GLIS3: variants seen among roughly 807,000 people sequenced by gnomAD.
GLIS3 encodes the protein GLIS family zinc finger 3, also known as zinc finger protein GLIS3.
GLIS3 carries 53 observed loss-of-function variants against 78.6 expected under a neutral mutation model. That is an observed-to-expected ratio of 0.67 (90% CI 0.54 to 0.85). The LOEUF (loss-of-function observed/expected upper bound fraction) is 0.85. GLIS3 is among the 40% of genes least tolerant of loss of function. The pLI, the probability that GLIS3 is intolerant of heterozygous loss-of-function variation, is 0.00. For synonymous variants in GLIS3, 684 were observed against 509.9 expected (o/e 1.34, Z -4.60); for missense variants, 1,703 against 1,231.1 (o/e 1.38, Z -5.74).
intron 1 of GLIS3, among the ~76,000 whole-genome samples, chr9:4,290,546 G>C: frequency 6.6e-6 from 1 of 152,200 alleles, no homozygotes; most frequent in African/African-American, 2.4e-5. Flanking sequence ...AAAGCCTATT[G>C]ATAGATAATA....
intron 2 of GLIS3, among the ~76,000 whole-genome samples, chr9:4,193,804 G>A (rs1238093002): frequency 2.6e-5 from 4 of 152,172 alleles, no homozygotes; most frequent in South Asian, 2.1e-4. Flanking sequence ...AGGCTGCACC[G>A]AACCTCCATT....
At chr9:4,150,106 G>A (rs1010890369) in intron 2 of GLIS3, among the ~76,000 whole-genome samples, 5 of 152,100 alleles carry the variant, frequency 3.3e-5, no homozygotes, top group Non-Finnish European at 7.4e-5. Flanking sequence ...ACAATAAAAG[G>A]TAAAGAAGAG....
At chr9:4,412,585 T>A in the GLIS3 span, among the ~76,000 whole-genome samples, 5 of 152,180 alleles carry the variant, frequency 3.3e-5, no homozygotes, top group Admixed American at 3.3e-4. Flanking sequence ...GAAACTAGGA[T>A]GGTATTTGGC....
At chr9:4,457,628 A>T in the GLIS3 span, among the ~76,000 whole-genome samples, 1 of 151,918 alleles carries the variant, frequency 6.6e-6, no homozygotes, top group Non-Finnish European at 1.5e-5. Flanking sequence ...CGGGTGGATC[A>T]TGAGGTCAGG....
chr9:3,860,280 A>AAAAAAAAAAAAAAAAAAAAAC (rs1325975735), intron 8 of GLIS3, among the ~76,000 whole-genome samples: 1 of 97,490 alleles, frequency 1.0e-5, no homozygotes, highest in Non-Finnish European at 2.6e-5. Flanking sequence ...GTCAAAAAAA[A>AAAAAAAAAAAAAAAAAAAAAC]AAAAAAAAAA....
intron 3 of GLIS3, among the ~76,000 whole-genome samples, chr9:4,123,454 G>A (rs538386938): frequency 1.2e-4 from 18 of 152,064 alleles, no homozygotes; most frequent in Non-Finnish European, 2.6e-4. Flanking sequence ...AACAAAAGAT[G>A]TACAGAGCTG....
intron 6 of GLIS3, among the ~76,000 whole-genome samples, chr9:3,928,655 G>C (rs1050460304): frequency 3.3e-5 from 5 of 152,186 alleles, no homozygotes; most frequent in Admixed American, 2.0e-4. Context: ...TTGCCAGAAA[G>C]CAATACAGAG....
chr9:4,331,044 G>C (rs1042078085), intron 2 of GLIS3, among the ~76,000 whole-genome samples: 1 of 152,218 alleles, frequency 6.6e-6, no homozygotes, highest in African/African-American at 2.4e-5. Context: ...TGAGCCATCT[G>C]TATTTGTTTC....
chr9:4,226,682 G>A (rs1043107961), intron 2 of GLIS3, among the ~76,000 whole-genome samples: 2 of 152,208 alleles, frequency 1.3e-5, no homozygotes, highest in Admixed American at 6.5e-5. Context: ...TCCTTAGCTG[G>A]CTACTCCTTA....
chr9:4,020,020 G>C (rs1250169329), intron 4 of GLIS3, among the ~76,000 whole-genome samples: 1 of 152,128 alleles, frequency 6.6e-6, no homozygotes, highest in South Asian at 2.1e-4. Flanking sequence ...CAAAGCACTG[G>C]GATTACAGGC....
At chr9:4,444,815 A>C in the GLIS3 span, among the ~76,000 whole-genome samples, 1 of 152,232 alleles carries the variant, frequency 6.6e-6, no homozygotes, top group East Asian at 1.9e-4. Context: ...ACTTGATTAC[A>C]AAATTGCTTC....
At chr9:4,353,273 C>G (rs1003126279), upstream of GLIS3, among the ~76,000 whole-genome samples, 1 of 152,152 alleles carries the variant, frequency 6.6e-6, no homozygotes, top group Non-Finnish European at 1.5e-5. Context: ...ATGTCTGTAG[C>G]CCAGCAACTC....
At chr9:3,926,168 G>A (rs1386185898) in intron 6 of GLIS3, among the ~76,000 whole-genome samples, 1 of 151,464 alleles carries the variant, frequency 6.6e-6, no homozygotes, top group Non-Finnish European at 1.5e-5. Flanking sequence ...GTAGTATCAG[G>A]TTCTTTTTTT....
At chr9:4,009,459 C>T (rs964707248) in intron 4 of GLIS3, among the ~76,000 whole-genome samples, 2 of 152,156 alleles carry the variant, frequency 1.3e-5, no homozygotes, top group Non-Finnish European at 2.9e-5. Flanking sequence ...GCCATGGCCC[C>T]GGCCCTGAGA....
At chr9:4,131,278 G>A (rs192812005) in intron 2 of GLIS3, among the ~76,000 whole-genome samples, 5 of 152,284 alleles carry the variant, frequency 3.3e-5, no homozygotes, top group Admixed American at 3.3e-4. Flanking sequence ...GCTGGAATGA[G>A]TTAAGACTTT....
chr9:3,856,332 C>T (rs1391072103), intron 8 of GLIS3, 148 bp from the exon 9 acceptor site: 4 of 716,716 alleles, frequency 5.6e-6, no homozygotes, highest in Non-Finnish European at 9.8e-6. Flanking sequence ...CAGGATTTTT[C>T]TCTACCCTCT....
At chr9:3,916,495 G>A (rs910775363) in intron 6 of GLIS3, among the ~76,000 whole-genome samples, 1 of 152,222 alleles carries the variant, frequency 6.6e-6, no homozygotes, top group Non-Finnish European at 1.5e-5. Flanking sequence ...CTGGTCACTC[G>A]TGGTCTCAAA....
At chr9:4,366,239 T>G in the GLIS3 span, among the ~76,000 whole-genome samples, 124 of 152,338 alleles carry the variant, frequency 8.1e-4, no homozygotes, top group African/African-American at 2.8e-3. Context: ...ACCTGAACAT[T>G]TAATTAGATT....
At chr9:4,361,397 C>A in the GLIS3 span, among the ~76,000 whole-genome samples, 1 of 152,222 alleles carries the variant, frequency 6.6e-6, no homozygotes. Flanking sequence ...ACCAATCTTG[C>A]TTCTCTTACT....
Sources: gnomAD v4.1 joint callset for allele counts (sites outside exome capture counted in the v4.1 genomes callset) on GRCh38, gnomAD v4.1.1 for gene constraint, MANE v1.5 for transcripts, NCBI Gene and HGNC (gene_info 2026-07-23, HGNC 2026-07-21) for gene names.